The following EML4 variants were observed in gnomAD, a reference collection of about 807,000 sequenced individuals.
EML4 encodes the protein echinoderm microtubule-associated protein-like 4.
In EML4, 72 loss-of-function variants were observed where a neutral mutation model predicts 129.0. The observed-to-expected ratio is 0.56, with a 90% confidence interval of 0.46 to 0.68. The LOEUF is 0.68. Ranked by LOEUF, EML4 falls within the 30% of genes least tolerant of loss-of-function variation. The pLI, the probability that EML4 is intolerant of heterozygous loss-of-function variation, is 0.00. For synonymous variants in EML4, 532 were observed against 405.0 expected, an observed-to-expected ratio of 1.31 and a Z score of -3.77; for missense variants, 1,363 against 1,190.6, an observed-to-expected ratio of 1.14 and a Z score of -2.13.
At chr2:42,298,261 A>C (rs1356086061) in intron 13 of EML4, among the ~76,000 whole-genome samples, 2 of 152,224 alleles carry the variant, frequency 1.3e-5, no homozygotes, top group African/African-American at 2.4e-5. Flanking sequence ...AAAGCCTTCC[A>C]AACATCTTTA....
At chr2:42,261,460 AT>A in intron 4 of EML4, 166 bp downstream of exon 4, 1 of 437,726 alleles carries the variant, frequency 2.3e-6, no homozygotes, top group Non-Finnish European at 3.9e-6. Flanking sequence ...CCATTGGGGA[AT>A]AAAGAATTAA....
intron 11 of EML4, among the ~76,000 whole-genome samples, chr2:42,294,159 A>G (rs1420001491): frequency 6.6e-6 from 1 of 152,228 alleles, no homozygotes; most frequent in African/African-American, 2.4e-5. Flanking sequence ...CTCAATTGAA[A>G]TCATTTTAAT....
chr2:42,185,832 A>C (rs985838827), intron 1 of EML4, among the ~76,000 whole-genome samples: 1 of 152,094 alleles, frequency 6.6e-6, no homozygotes, highest in Non-Finnish European at 1.5e-5. Flanking sequence ...ATCAGTGTGG[A>C]GTTTTTGCAG....
chr2:42,293,729 G>C (rs1375854168), intron 11 of EML4, among the ~76,000 whole-genome samples: 1 of 152,138 alleles, frequency 6.6e-6, no homozygotes, highest in Non-Finnish European at 1.5e-5. Context: ...CTCTGCCTCA[G>C]CCTCCCAAGT....
At chr2:42,215,064 T>A (rs924227005) in intron 1 of EML4, among the ~76,000 whole-genome samples, 5 of 152,134 alleles carry the variant, frequency 3.3e-5, no homozygotes, top group Non-Finnish European at 5.9e-5. Flanking sequence ...ATGGTAGATG[T>A]AAAACTTTTT....
chr2:42,272,416 G>A (rs1666422119), intron 6 of EML4, among the ~76,000 whole-genome samples: 1 of 152,068 alleles, frequency 6.6e-6, no homozygotes, highest in African/African-American at 2.4e-5. Flanking sequence ...AATATAGTGA[G>A]CACCTGTATA....
chr2:42,314,105 T>C (rs1009461659), intron 17 of EML4, among the ~76,000 whole-genome samples: 6 of 152,146 alleles, frequency 3.9e-5, no homozygotes, highest in African/African-American at 1.4e-4. Flanking sequence ...ATGCCTATAA[T>C]CCCAGCACTT....
intron 1 of EML4, among the ~76,000 whole-genome samples, chr2:42,202,843 C>T (rs145191987): frequency 9.2e-5 from 14 of 152,192 alleles, no homozygotes; most frequent in Middle Eastern, 6.8e-3. Flanking sequence ...ACCTGGGCAA[C>T]GTAGCAAGAC....
At chr2:42,213,906 A>G (rs1254885579) in intron 1 of EML4, among the ~76,000 whole-genome samples, 1 of 152,222 alleles carries the variant, frequency 6.6e-6, no homozygotes, top group African/African-American at 2.4e-5. Context: ...TTATGCAGTT[A>G]TAATTTGTAA....
chr2:42,193,260 A>C (rs143509294), intron 1 of EML4, among the ~76,000 whole-genome samples: 1 of 152,212 alleles, frequency 6.6e-6, no homozygotes, highest in Non-Finnish European at 1.5e-5. Context: ...AGGCTATACC[A>C]TCTAGGTTTG....
intron 1 of EML4, among the ~76,000 whole-genome samples, chr2:42,230,403 TA>T (rs1674256455): frequency 6.6e-6 from 1 of 152,126 alleles, no homozygotes; most frequent in African/African-American, 2.4e-5. Flanking sequence ...TCTTATTTTT[TA>T]TTTTATTTAT....
chr2:42,213,270 C>T (rs1421780447), intron 1 of EML4, among the ~76,000 whole-genome samples: 2 of 152,174 alleles, frequency 1.3e-5, no homozygotes, highest in African/African-American at 2.4e-5. Context: ...CCCCCTCCCA[C>T]ATCTAAGGAT....
chr2:42,330,589 G>T lies in EML4; in HGVS notation c.*382G>T. 1 of 388,598 alleles carries T rather than the reference G, an allele frequency of 2.6e-6. No individual in the cohort carries two copies. Among genetic ancestry groups the T allele is most frequent in the Non-Finnish European group, 4.8e-6 (1 of 206,390 alleles). 24.1% of individuals were successfully genotyped at this position (388,598 alleles called of 1,614,324 possible). On this transcript the variant is annotated 3_prime_UTR_variant, in exon 23 of 23. Transcript: ENST00000318522. ...AACAACCAGAGGTATCACAAACACTGTTACTCATCTACTGGCTCAGACTGT... is the reference window on the plus strand; with the variant it reads ...AACAACCAGAGGTATCACAAACACTTTTACTCATCTACTGGCTCAGACTGT...
chr2:42,180,803 A>T (rs72978869), intron 1 of EML4, among the ~76,000 whole-genome samples: 3,594 of 152,318 alleles, frequency 0.024, 131 homozygotes, highest in African/African-American at 0.08. Context: ...CTTTTATAGC[A>T]AAAAGATCTA....
chr2:42,300,925 T>G (rs1224448896), intron 13 of EML4, among the ~76,000 whole-genome samples: 3 of 152,216 alleles, frequency 2.0e-5, no homozygotes, highest in African/African-American at 7.2e-5. Flanking sequence ...TTATGAGAGA[T>G]AGTAAAGTTC....
At chr2:42,268,691 A>C (rs540080428) in intron 6 of EML4, among the ~76,000 whole-genome samples, 31 of 151,814 alleles carry the variant, frequency 2.0e-4, no homozygotes, top group African/African-American at 7.0e-4. Flanking sequence ...TCCCATCTCT[A>C]CCTCCCAAAG....
chr2:42,175,005 C>T (rs944466381), intron 1 of EML4, among the ~76,000 whole-genome samples: 56 of 151,824 alleles, frequency 3.7e-4, no homozygotes, highest in African/African-American at 1.0e-3. Context: ...TTAGTAGAGA[C>T]GGGGTTTCAC....
At chr2:42,285,745 C>T (rs1003094262) in intron 9 of EML4, among the ~76,000 whole-genome samples, 38 of 152,070 alleles carry the variant, frequency 2.5e-4, no homozygotes, top group African/African-American at 8.0e-4. Context: ...ACTACAGGCG[C>T]GTACTACCAT....
intron 6 of EML4, among the ~76,000 whole-genome samples, chr2:42,271,117 C>G (rs1666338672): frequency 6.6e-6 from 1 of 152,148 alleles, no homozygotes; most frequent in Non-Finnish European, 1.5e-5. Context: ...TGTTCTTGAA[C>G]TCCTGGGCTC....
Sources: gnomAD v4.1 joint callset for allele counts (sites outside exome capture counted in the v4.1 genomes callset) on GRCh38, gnomAD v4.1.1 for gene constraint, MANE v1.5 for transcripts, NCBI Gene and HGNC (gene_info 2026-07-23, HGNC 2026-07-21) for gene names.